CALD1: variants seen among roughly 807,000 people sequenced by gnomAD.
The protein encoded by CALD1 is caldesmon 1, also known as caldesmon.
In CALD1, 33 loss-of-function variants were observed where a neutral mutation model predicts 99.9. The ratio of observed to expected loss-of-function variants is 0.33; its 90% CI spans 0.25 to 0.44. CALD1 has a LOEUF of 0.44. Ranked by LOEUF, CALD1 falls within the 20% of genes least tolerant of loss-of-function variation. CALD1 has a pLI of 1.00. For missense variants in CALD1, 861 were observed against 962.1 expected (o/e 0.89, Z 1.39); for synonymous variants, 310 against 325.0 (o/e 0.95, Z 0.50).
upstream of CALD1, among the ~76,000 whole-genome samples, chr7:134,775,957 G>A (rs1796915544): frequency 6.6e-6 from 1 of 152,074 alleles, no homozygotes; most frequent in Admixed American, 6.5e-5. Flanking sequence ...ATTAGAGATG[G>A]CTGATTACAG....
At chr7:134,830,263 C>T (rs1327572862) in intron 1 of CALD1, among the ~76,000 whole-genome samples, 1 of 152,166 alleles carries the variant, frequency 6.6e-6, no homozygotes, top group Non-Finnish European at 1.5e-5. Context: ...TTATCTCACT[C>T]GTAGAATTTA....
chr7:134,781,267 T>C (rs1206424665), intron 1 of CALD1, among the ~76,000 whole-genome samples: 1 of 152,172 alleles, frequency 6.6e-6, no homozygotes, highest in Non-Finnish European at 1.5e-5. Flanking sequence ...CTCTAAACCA[T>C]GAAGGGAATG....
rs142210654 is a variant in CALD1, at chr7:134,757,874, G to A, written c.-130+13511G>A. 9.9e-5 allele frequency among the ~76,000 whole-genome samples: 15 copies of A among 151,290 alleles called. 1 individual carries two copies. The highest frequency in any genetic ancestry group is 1.9e-4 in the East Asian group (1 of 5,172). ...AGCCTGGGCGACAAAGCTAGACTCC[G>A]TCTAAAAAAATAAAAATAAAAAAAA... On this transcript the variant is annotated intron_variant, in intron 1 of 13. Coordinates refer to the CALD1 transcript ENST00000417172.
chr7:134,719,737 AG>A, the CALD1 span, among the ~76,000 whole-genome samples: 3 of 152,194 alleles, frequency 2.0e-5, no homozygotes, highest in African/African-American at 7.2e-5. Context: ...AGAGCTTTTA[AG>A]GACCCCAATC....
intron 3 of CALD1, among the ~76,000 whole-genome samples, chr7:134,901,986 G>C (rs1213278662): frequency 1.3e-5 from 2 of 152,048 alleles, no homozygotes; most frequent in Non-Finnish European, 2.9e-5. Flanking sequence ...TGGAGGTGGA[G>C]TATACAATTT....
intron 3 of CALD1, among the ~76,000 whole-genome samples, chr7:134,909,085 T>C (rs1307614709): frequency 6.6e-6 from 1 of 152,204 alleles, no homozygotes; most frequent in Non-Finnish European, 1.5e-5. Flanking sequence ...ATTCATCCCT[T>C]GATATTTAAT....
intron 6 of CALD1, among the ~76,000 whole-genome samples, chr7:134,936,171 T>C (rs1217916746): frequency 1.3e-5 from 2 of 152,236 alleles, no homozygotes; most frequent in Admixed American, 6.5e-5. Flanking sequence ...TATTTCCAAC[T>C]GGCCTTGATT....
intron 7 of CALD1, among the ~76,000 whole-genome samples, chr7:134,941,891 C>T (rs879572113): frequency 6.6e-6 from 1 of 152,130 alleles, no homozygotes; most frequent in Non-Finnish European, 1.5e-5. Flanking sequence ...TCCCTTACCC[C>T]ATCAAACTGA....
chr7:134,929,622 G>A (rs202223809), intron 4 of CALD1, among the ~76,000 whole-genome samples: 38 of 1,432 alleles, frequency 0.027, 1 homozygote, highest in African/African-American at 0.055. Flanking sequence ...GTATATATAC[G>A]TGTGTGTGTG....
At chr7:134,906,697 C>A (rs555764931) in intron 3 of CALD1, among the ~76,000 whole-genome samples, 10 of 152,164 alleles carry the variant, frequency 6.6e-5, no homozygotes, top group Admixed American at 5.2e-4. Flanking sequence ...AATGAGAAAC[C>A]TAGAACTTCA....
At chr7:134,835,436 C>T (rs1223892397) in intron 1 of CALD1, among the ~76,000 whole-genome samples, 2 of 152,168 alleles carry the variant, frequency 1.3e-5, no homozygotes, top group Non-Finnish European at 2.9e-5. Flanking sequence ...TTTTTGCTTG[C>T]TTTAAGCAAC....
the CALD1 span, among the ~76,000 whole-genome samples, chr7:134,726,386 T>A: frequency 4.9e-5 from 7 of 142,780 alleles, no homozygotes; most frequent in South Asian, 2.2e-4. Flanking sequence ...ATAATATATA[T>A]CTTTTTATAT....
chr7:134,866,459 T>C (rs1800803873), intron 2 of CALD1, among the ~76,000 whole-genome samples: 1 of 152,196 alleles, frequency 6.6e-6, no homozygotes, highest in African/African-American at 2.4e-5. Context: ...TCAAACATTG[T>C]ATAGTTTTGC....
chr7:134,758,219 T>C (rs1306350341), intron 1 of CALD1, among the ~76,000 whole-genome samples: 1 of 152,206 alleles, frequency 6.6e-6, no homozygotes, highest in Non-Finnish European at 1.5e-5. Flanking sequence ...AAGTCAAAAC[T>C]CCAAGACTTA....
intron 3 of CALD1, 30 bp downstream of exon 3, chr7:134,867,834 T>C: frequency 7.0e-7 from 1 of 1,432,164 alleles, no homozygotes; most frequent in Non-Finnish European, 9.7e-7. Context: ...AATACTTGTA[T>C]TCCCTTATTA....
At chr7:134,845,158 T>G (rs143864756) in intron 2 of CALD1, among the ~76,000 whole-genome samples, 1 of 152,326 alleles carries the variant, frequency 6.6e-6, no homozygotes, top group African/African-American at 2.4e-5. Flanking sequence ...ATTATAATCA[T>G]TTGGGTACAG....
intron 1 of CALD1, among the ~76,000 whole-genome samples, chr7:134,831,487 T>G (rs1799219779): frequency 6.6e-6 from 1 of 152,012 alleles, no homozygotes; most frequent in African/African-American, 2.4e-5. Flanking sequence ...CCTGGCTAAT[T>G]TTTTTGTATT....
intron 7 of CALD1, among the ~76,000 whole-genome samples, chr7:134,942,017 T>C (rs761010692): frequency 1.3e-5 from 2 of 152,134 alleles, no homozygotes; most frequent in African/African-American, 2.4e-5. Context: ...GAACTTGAGG[T>C]GCAGACACTG....
the CALD1 span, among the ~76,000 whole-genome samples, chr7:134,721,713 G>A: frequency 6.6e-6 from 1 of 152,028 alleles, no homozygotes; most frequent in Non-Finnish European, 1.5e-5. Context: ...TGGCGGTAGT[G>A]TCTCCATCTC....
Sources: gnomAD v4.1 joint callset for allele counts (sites outside exome capture counted in the v4.1 genomes callset) on GRCh38, gnomAD v4.1.1 for gene constraint, MANE v1.5 for transcripts, NCBI Gene and HGNC (gene_info 2026-07-23, HGNC 2026-07-21) for gene names.